The following ESRP1 variants were observed in gnomAD, a reference collection of about 807,000 sequenced individuals.
ESRP1 encodes the protein epithelial splicing regulatory protein 1.
Under a neutral mutation model 81.7 loss-of-function variants are expected in ESRP1, and 33 were observed. The ratio of observed to expected loss-of-function variants is 0.40; its 90% CI spans 0.31 to 0.54. The LOEUF (loss-of-function observed/expected upper bound fraction) is 0.54. Among genes scored for constraint, ESRP1 ranks in the 20% least tolerant of loss-of-function variants. The pLI is 0.41. For missense variants in ESRP1, 672 were observed against 833.1 expected (o/e 0.81, Z 2.38); for synonymous variants, 320 against 303.3 (o/e 1.06, Z -0.57).
chr8:94,703,425 C>T (rs1178361847), intron 15 of ESRP1, among the ~76,000 whole-genome samples: 1 of 152,158 alleles, frequency 6.6e-6, no homozygotes, highest in African/African-American at 2.4e-5. Context: ...GCTGGGATTA[C>T]AGGCATAAAC....
At position 94,685,617 on chromosome 8, in the gene ESRP1, C is replaced by T. The variant is rs561176345; in HGVS notation, c.1821-7060C>T. Among the ~76,000 whole-genome samples the T allele has an allele frequency of 5.4e-4, 82 of 151,976 alleles. No homozygotes were observed. In the South Asian group the frequency reaches 7.7e-3, roughly 14 times the overall value. On this transcript the variant is annotated intron_variant, in intron 13 of 15. Transcript: ENST00000433389. ...AGGAGTTCAAGACCATCCTGGCCAA[C>T]GTGGCAAAACTCCATTCTGAAAAAA...
intron 4 of ESRP1, among the ~76,000 whole-genome samples, chr8:94,656,396 T>G (rs1488787914): frequency 6.7e-6 from 1 of 149,368 alleles, no homozygotes. Flanking sequence ...TTTTTTGTAT[T>G]TTTTTAGTAG....
chr8:94,666,181 A>C (rs1163757879), intron 9 of ESRP1, among the ~76,000 whole-genome samples: 1 of 152,142 alleles, frequency 6.6e-6, no homozygotes, highest in Non-Finnish European at 1.5e-5. Context: ...CAATTTTCTT[A>C]AATGTTAATT....
chr8:94,686,022 A>G (rs1310459583), intron 13 of ESRP1, among the ~76,000 whole-genome samples: 4 of 152,126 alleles, frequency 2.6e-5, no homozygotes, highest in Non-Finnish European at 5.9e-5. Flanking sequence ...ATCTCGGCTC[A>G]CTGCAACCTC....
intron 9 of ESRP1, among the ~76,000 whole-genome samples, chr8:94,665,610 G>A (rs142758991): frequency 2.6e-5 from 4 of 152,128 alleles, no homozygotes; most frequent in East Asian, 1.9e-4. Flanking sequence ...TTGTGCCTCC[G>A]CCTCCGTAGT....
At chr8:94,670,028 G>A (rs913400240) in intron 10 of ESRP1, among the ~76,000 whole-genome samples, 2 of 152,190 alleles carry the variant, frequency 1.3e-5, no homozygotes, top group Admixed American at 1.3e-4. Flanking sequence ...TGGAAAGAGA[G>A]TTTGTCTTAT....
At chr8:94,703,917 A>C (rs1298104340) in intron 15 of ESRP1, among the ~76,000 whole-genome samples, 1 of 152,180 alleles carries the variant, frequency 6.6e-6, no homozygotes, top group Non-Finnish European at 1.5e-5. Flanking sequence ...AGAGGGGTAA[A>C]ATAGATACTG....
chr8:94,662,594 T>A, intron 6 of ESRP1, 39 bp downstream of exon 6: 2 of 1,423,580 alleles, frequency 1.4e-6, no homozygotes, highest in Non-Finnish European at 1.9e-6. Context: ...CTTTTTAACT[T>A]GTTTTTTTTT....
intron 4 of ESRP1, among the ~76,000 whole-genome samples, chr8:94,651,516 G>A (rs1818129712): frequency 6.6e-6 from 1 of 152,166 alleles, no homozygotes; most frequent in African/African-American, 2.4e-5. Context: ...TGTCTACCGA[G>A]CCAAACTTTA....
chr8:94,670,290 G>C (rs1819248417), intron 10 of ESRP1, among the ~76,000 whole-genome samples: 1 of 152,172 alleles, frequency 6.6e-6, no homozygotes, highest in Non-Finnish European at 1.5e-5. Flanking sequence ...ATTATGAGAT[G>C]CTTCACCATT....
intron 2 of ESRP1, 55 bp from the exon 3 acceptor site, chr8:94,643,248 C>A (rs1486583132): frequency 4.0e-6 from 5 of 1,242,298 alleles, no homozygotes; most frequent in Non-Finnish European, 5.9e-6. Context: ...AGCTACTTTG[C>A]AGAGTTTGTA....
chr8:94,673,358 T>A (rs1201755115), intron 11 of ESRP1, among the ~76,000 whole-genome samples: 2 of 152,188 alleles, frequency 1.3e-5, no homozygotes, highest in African/African-American at 4.8e-5. Flanking sequence ...ATGCACAAAC[T>A]CTTAGGTGCC....
intron 4 of ESRP1, among the ~76,000 whole-genome samples, chr8:94,647,418 C>T (rs940868373): frequency 9.9e-5 from 15 of 152,150 alleles, no homozygotes; most frequent in African/African-American, 3.4e-4. Flanking sequence ...CCATAGACCA[C>T]GGAGCTTAAA....
Position 94,671,636 on chromosome 8 carries a change from C to A in ESRP1, c.1417C>A (p.Arg473Ser). Residue 473 changes from arginine (R) to serine (S), a missense_variant, in exon 11 of 16, where the codon CGT (arginine) becomes AGT (serine). Transcript: ENST00000433389. ...DFLGEFATDI[R>S]THGVHMVLNH... ...CCTGGGGGAGTTCGCCACAGATATT[C>A]GTACTCATGGGGTTCACATGGTTTT... 3 of 1,613,796 alleles carry A rather than the reference C, an allele frequency of 1.9e-6. No individual in the cohort carries two copies. The highest frequency in any genetic ancestry group is 2.5e-6 in the Non-Finnish European group (3 of 1,179,846).
At chr8:94,700,100 T>C (rs745627058) in intron 15 of ESRP1, among the ~76,000 whole-genome samples, 3 of 152,290 alleles carry the variant, frequency 2.0e-5, no homozygotes, top group South Asian at 4.1e-4. Context: ...ATACAGCTAA[T>C]GATCAAGCTA....
intron 11 of ESRP1, among the ~76,000 whole-genome samples, chr8:94,673,983 C>G (rs893511122): frequency 6.6e-6 from 1 of 152,138 alleles, no homozygotes. Flanking sequence ...GAGAAAAAAA[C>G]TAGTATACGA....
At chr8:94,679,911 T>C (rs12542239) in intron 13 of ESRP1, among the ~76,000 whole-genome samples, 70,477 of 152,016 alleles carry the variant, frequency 0.46, 19,398 homozygotes, top group South Asian at 0.68. Context: ...TATATTTACC[T>C]CATTCTTGTA....
At position 94,671,481 on chromosome 8, in the gene ESRP1, T is replaced by TCATTCCACTTCCAACCCCTCC; in HGVS notation, c.1267_1287dup (p.Pro423_Ile429dup). On this transcript the variant is annotated inframe_insertion, in exon 11 of 16. Transcript: ENST00000433389. ...CTGAATCGATTCTCCTCGGCCCCTC[T>TCATTCCACTTCCAACCCCTCC]CATTCCACTTCCAACCCCTCCCATT... 1 of 1,613,664 alleles carries TCATTCCACTTCCAACCCCTCC rather than the reference T, an allele frequency of 6.2e-7. No homozygotes were observed.
chr8:94,670,956 T>G (rs1819287721), intron 10 of ESRP1, among the ~76,000 whole-genome samples: 1 of 152,214 alleles, frequency 6.6e-6, no homozygotes, highest in African/African-American at 2.4e-5. Flanking sequence ...TGTGATTCTT[T>G]TACTGGGTCA....
Sources: allele counts gnomAD v4.1 joint callset (sites outside exome capture counted in the v4.1 genomes callset), GRCh38; gene constraint gnomAD v4.1.1; transcripts MANE v1.5; gene names NCBI Gene and HGNC (gene_info 2026-07-23, HGNC 2026-07-21).